Variants in LPIN1 observed in about 807,000 individuals in gnomAD.
LPIN1 encodes lipin 1.
A neutral mutation model predicts 107.5 loss-of-function variants in LPIN1; 71 were observed. The ratio of observed to expected loss-of-function variants is 0.66; its 90% CI spans 0.55 to 0.80. The LOEUF (loss-of-function observed/expected upper bound fraction) is 0.80. LPIN1 is among the 30% of genes least tolerant of loss of function. The pLI, the probability that LPIN1 is intolerant of heterozygous loss-of-function variation, is 0.00. For synonymous variants in LPIN1, 445 were observed against 452.6 expected (o/e 0.98, Z 0.21); for missense variants, 1,043 against 1,160.6 (o/e 0.90, Z 1.47).
intron 1 of LPIN1, among the ~76,000 whole-genome samples, chr2:11,709,439 A>T (rs570279777): frequency 6.6e-6 from 1 of 152,342 alleles, no homozygotes; most frequent in Non-Finnish European, 1.5e-5. Flanking sequence ...TAAAGCCTGG[A>T]TTGCCTGATC....
chr2:11,777,720 G>C (rs751873673), intron 6 of LPIN1, among the ~76,000 whole-genome samples: 5 of 152,192 alleles, frequency 3.3e-5, no homozygotes, highest in Non-Finnish European at 7.3e-5. Flanking sequence ...AATGTTTGCC[G>C]ACCCCTGTTC....
chr2:11,811,846 G>A (rs767082184), intron 17 of LPIN1, among the ~76,000 whole-genome samples: 7 of 151,360 alleles, frequency 4.6e-5, no homozygotes, highest in East Asian at 1.9e-4. Context: ...TTAGCTGGGC[G>A]TGGTAGTGCA....
chr2:11,714,309 G>A (rs1663591693), intron 2 of LPIN1, among the ~76,000 whole-genome samples: 1 of 152,198 alleles, frequency 6.6e-6, no homozygotes, highest in African/African-American at 2.4e-5. Context: ...CCCAGGCTTT[G>A]GTGCAGCCCC....
At chr2:11,818,024 G>A (rs1028165752) in intron 18 of LPIN1, 15 of 151,584 alleles carry the variant, frequency 9.9e-5, no homozygotes, top group African/African-American at 3.6e-4. Flanking sequence ...CTGTGAACGT[G>A]TGGTTCTGTT....
At chr2:11,749,625 T>A (rs1405465564) in intron 1 of LPIN1, among the ~76,000 whole-genome samples, 2 of 152,196 alleles carry the variant, frequency 1.3e-5, no homozygotes, top group Non-Finnish European at 2.9e-5. Context: ...GCTGACACTT[T>A]TCACAATGAG....
At chr2:11,719,678 G>A (rs1663988288), upstream of LPIN1, among the ~76,000 whole-genome samples, 1 of 152,136 alleles carries the variant, frequency 6.6e-6, no homozygotes, top group East Asian at 1.9e-4. Context: ...ATCTGCCCTG[G>A]GGTTTTCTTC....
chr2:11,703,177 G>A (rs1662967070), intron 1 of LPIN1, among the ~76,000 whole-genome samples: 1 of 152,204 alleles, frequency 6.6e-6, no homozygotes, highest in Non-Finnish European at 1.5e-5. Flanking sequence ...CTTTATCTCT[G>A]TTTTATCTAG....
upstream of LPIN1, among the ~76,000 whole-genome samples, chr2:11,720,230 A>G (rs1664031222): frequency 6.6e-6 from 1 of 152,074 alleles, no homozygotes; most frequent in African/African-American, 2.4e-5. Context: ...TATTTTAATT[A>G]TAGTTTATTA....
At chr2:11,753,102 A>G (rs978561657) in intron 1 of LPIN1, among the ~76,000 whole-genome samples, 1 of 151,824 alleles carries the variant, frequency 6.6e-6, no homozygotes, top group Non-Finnish European at 1.5e-5. Flanking sequence ...AAGGAGGGGG[A>G]TGAGCAGGGT....
In LPIN1 at chr2:11,771,549, A is replaced by G; in HGVS notation, c.466A>G (p.Arg156Gly). The G allele has an allele frequency of 6.2e-7, 1 of 1,614,146 alleles. No homozygotes were observed. The highest frequency in any genetic ancestry group is 1.1e-5 in the South Asian group (1 of 91,068). The part of the protein sequence containing the change: ...PSSSSVVKKR[R>G]KRRRKSQLDS... The stretch of plus-strand genomic sequence containing the variant: ...AAGCAGCTCTGTAGTAAAGAAGAGA[A>G]GAAAAAGGAGGAGAAAGTCACAGCT... The change falls in exon 4 of 21, where the codon AGA becomes GGA. Residue 156 changes from arginine to glycine, a missense_variant. Arg to Gly is a moderately radical substitution (Grantham distance 125). Coordinates refer to ENST00000674199, the MANE Select transcript of LPIN1 (RefSeq NM_001349206.2). This position sits in a 1 kb window ranked among gnomAD's most constrained non-coding sequence, Gnocchi z 4.8.
At chr2:11,679,470 A>G (rs898777405) in intron 1 of LPIN1, among the ~76,000 whole-genome samples, 9 of 152,276 alleles carry the variant, frequency 5.9e-5, no homozygotes, top group Non-Finnish European at 4.4e-5. Flanking sequence ...GAAAGTTTAA[A>G]TAACATAAAA....
chr2:11,731,400 G>T (rs1203420878), intron 1 of LPIN1, among the ~76,000 whole-genome samples: 1 of 152,178 alleles, frequency 6.6e-6, no homozygotes, highest in Non-Finnish European at 1.5e-5. Context: ...CAAAGGACAT[G>T]AGCTCATTCT....
At chr2:11,794,301 A>G (rs1199412253) in intron 13 of LPIN1, among the ~76,000 whole-genome samples, 1 of 152,204 alleles carries the variant, frequency 6.6e-6, no homozygotes, top group Non-Finnish European at 1.5e-5. Context: ...CCAAATTCTC[A>G]CCAGTTTGCA....
At chr2:11,725,674 A>G (rs1349852781) in intron 1 of LPIN1, among the ~76,000 whole-genome samples, 1 of 152,158 alleles carries the variant, frequency 6.6e-6, no homozygotes, top group Non-Finnish European at 1.5e-5. Context: ...TTTTAAAGTC[A>G]TGGATTTTTT....
intron 14 of LPIN1, among the ~76,000 whole-genome samples, chr2:11,795,727 G>A (rs1017176794): frequency 2.6e-5 from 4 of 152,180 alleles, no homozygotes; most frequent in Non-Finnish European, 4.4e-5. Context: ...AATATAACTA[G>A]AGCATTTCTC....
chr2:11,743,962 A>C (rs1666626510), upstream of LPIN1, among the ~76,000 whole-genome samples: 1 of 152,174 alleles, frequency 6.6e-6, no homozygotes, highest in African/African-American at 2.4e-5. The surrounding 1 kb of genome is among the most constrained non-coding windows in gnomAD (Gnocchi z 4.7). Context: ...TCCTCAACTT[A>C]TGGGGTTTTA....
At chr2:11,679,646 G>A (rs1223996472) in intron 1 of LPIN1, among the ~76,000 whole-genome samples, 10 of 152,172 alleles carry the variant, frequency 6.6e-5, no homozygotes, top group African/African-American at 7.2e-5. Context: ...ACAGATGGAC[G>A]GGATACTAAG....
At chr2:11,726,250 T>G (rs6755975) in intron 1 of LPIN1, among the ~76,000 whole-genome samples, 2 of 152,032 alleles carry the variant, frequency 1.3e-5, no homozygotes, top group African/African-American at 2.4e-5. Flanking sequence ...TTAGAAGCTT[T>G]TAATGGCTCT....
intron 13 of LPIN1, among the ~76,000 whole-genome samples, chr2:11,793,534 T>A (rs1487411532): frequency 6.6e-6 from 1 of 152,250 alleles, no homozygotes; most frequent in Admixed American, 6.5e-5. Flanking sequence ...TTCTAGCTCC[T>A]GCCTGCCTCT....
Sources: allele counts gnomAD v4.1 joint callset (sites outside exome capture counted in the v4.1 genomes callset), GRCh38; gene constraint gnomAD v4.1.1; non-coding constraint Gnocchi (gnomAD v3.1); transcripts MANE v1.5; gene names NCBI Gene and HGNC (gene_info 2026-07-23, HGNC 2026-07-21).